The following KIAA2012 variants were observed in gnomAD, a reference collection of about 807,000 sequenced individuals.
KIAA2012 encodes KIAA2012.
Under a neutral mutation model 150.6 loss-of-function variants are expected in KIAA2012, and 125 were observed. That is an observed-to-expected ratio of 0.83 (90% confidence interval 0.72 to 0.96). The LOEUF (loss-of-function observed/expected upper bound fraction) is 0.96, where lower values mean the gene tolerates loss of function less well. KIAA2012 is among the 40% of genes least tolerant of loss of function. KIAA2012 has a pLI of 0.00. For synonymous variants in KIAA2012, 462 were observed against 504.7 expected, an observed-to-expected ratio of 0.92 and a Z score of 1.13; for missense variants, 1,219 against 1,354.9, an observed-to-expected ratio of 0.90 and a Z score of 1.57.
At chr2:202,167,529 A>G (rs76197863) in intron 15 of KIAA2012, among the ~76,000 whole-genome samples, 1 of 152,300 alleles carries the variant, frequency 6.6e-6, no homozygotes, top group East Asian at 1.9e-4. Flanking sequence ...GTTCTTTTAA[A>G]AACAGTAGGA....
chr2:202,090,925 C>A lies in KIAA2012; in HGVS notation c.525C>A (p.Cys175Ter), dbSNP rs563801614. Reference sequence around the variant, plus strand: ...CAGACGCCATGTATAGGCTCTGGTGCGCAGGTCAGTGGGGAAATGGGAGGG... The same window carrying A: ...CAGACGCCATGTATAGGCTCTGGTGAGCAGGTCAGTGGGGAAATGGGAGGG... ...WPPDAMYRLWCAGYIKDSVLL... is the reference protein window; with the variant it reads ...WPPDAMYRLW The change falls in exon 3 of 24, where the codon TGC becomes TGA. Residue 175 changes from cysteine to a stop codon, truncating the protein, a stop_gained. Coordinates refer to ENST00000498697, the MANE Select transcript of KIAA2012 (RefSeq NM_001277372.4). LOFTEE classifies it high-confidence loss of function. 2.6e-6 allele frequency: 4 copies of A among 1,545,634 alleles called. No homozygotes were observed. The highest frequency in any genetic ancestry group is 3.5e-6 in the Non-Finnish European group (4 of 1,143,400).
chr2:202,184,453 C>A (rs557706642), intron 15 of KIAA2012, among the ~76,000 whole-genome samples: 3 of 151,538 alleles, frequency 2.0e-5, no homozygotes, highest in South Asian at 4.2e-4. Context: ...CTTTTGAATT[C>A]TTTCCTTATG....
At chr2:202,180,048 G>C (rs1281285032) in intron 15 of KIAA2012, 2 of 419,368 alleles carry the variant, frequency 4.8e-6, no homozygotes, top group Non-Finnish European at 9.4e-6. Flanking sequence ...AAGGTGGGAA[G>C]ATCACCTGAG....
At chr2:202,125,138 CCT>C (rs1389337332) in intron 11 of KIAA2012, 74 bp from the exon 12 acceptor site, 27 of 1,186,216 alleles carry the variant, frequency 2.3e-5, no homozygotes, top group African/African-American at 4.6e-5. Context: ...CATGTTTTCC[CCT>C]GTCTTCGGAT....
chr2:202,099,906 C>A, intron 6 of KIAA2012, 110 bp downstream of exon 6: 2 of 1,008,856 alleles, frequency 2.0e-6, no homozygotes, highest in Non-Finnish European at 2.8e-6. Context: ...ACTCACCTTA[C>A]AAAATAAAAG....
chr2:202,098,788 CCGTGTGTGTG>C (rs1305208545), intron 5 of KIAA2012, among the ~76,000 whole-genome samples: 2 of 52,554 alleles, frequency 3.8e-5, no homozygotes, highest in East Asian at 5.2e-4. Context: ...AACTCTAAGG[CCGTGTGTGTG>C]TGTGTGTGTG....
Position 202,125,471 on chromosome 2 carries a change from C to T in KIAA2012, c.1831+189C>T, listed in dbSNP as rs113013127. 2.4e-3 allele frequency among the ~76,000 whole-genome samples: 369 copies of T among 152,258 alleles called. 2 individuals are homozygous for T. The highest frequency in any genetic ancestry group is 8.0e-3 in the African/African-American group (334 of 41,550). ...CTGTTGAGTTACTCATGGACAGCCC[C>T]GTGGTCTGAGTGTAAATATTAGTGA... On this transcript the variant is annotated intron_variant, in intron 12 of 23. Transcript: ENST00000498697.
chr2:202,098,817 T>TGTGTGTGTGTGC (rs1337527592), intron 5 of KIAA2012, among the ~76,000 whole-genome samples: 1 of 144,958 alleles, frequency 6.9e-6, no homozygotes, highest in Non-Finnish European at 1.5e-5. Flanking sequence ...TGTGTGTGTG[T>TGTGTGTGTGTGC]GTGCACGCGC....
chr2:202,093,096 A>G lies in KIAA2012; in HGVS notation c.596A>G (p.Gln199Arg). Residue 199 changes from glutamine to arginine, a missense_variant, in exon 4 of 24, where the codon CAA becomes CGA. By Grantham distance (43) the Gln-to-Arg change is conservative (BLOSUM62 1). Transcript: ENST00000498697. ...QLNVPKKLRP[Q>R]QDLSGVPPKY... ...AATGTACCAAAGAAGCTCAGGCCACAACAAGATCTTTCAGGTGTACCCCCA... is the reference window on the plus strand; with the variant it reads ...AATGTACCAAAGAAGCTCAGGCCACGACAAGATCTTTCAGGTGTACCCCCA... The G allele has an allele frequency of 6.5e-7, 1 of 1,550,238 alleles. No homozygotes were observed. Among genetic ancestry groups the G allele is most frequent in the Non-Finnish European group, 8.7e-7 (1 of 1,146,394 alleles).
intron 18 of KIAA2012, among the ~76,000 whole-genome samples, chr2:202,189,481 AGG>A (rs948576484): frequency 2.0e-5 from 3 of 151,870 alleles, no homozygotes; most frequent in African/African-American, 7.3e-5. Context: ...TAGTAGAGAC[AGG>A]GTTTCACCAT....
chr2:202,152,805 G>GT (rs1691454842), intron 13 of KIAA2012, among the ~76,000 whole-genome samples: 1 of 152,182 alleles, frequency 6.6e-6, no homozygotes, highest in Non-Finnish European at 1.5e-5. Flanking sequence ...ATGACTGTTT[G>GT]TGGGGACTCA....
chr2:202,156,484 C>T (rs1691528293), intron 14 of KIAA2012, among the ~76,000 whole-genome samples: 1 of 152,108 alleles, frequency 6.6e-6, no homozygotes, highest in Non-Finnish European at 1.5e-5. Flanking sequence ...TGGGATACAT[C>T]AGTAAACAAA....
At chr2:202,100,646 A>G (rs939677992) in intron 7 of KIAA2012, among the ~76,000 whole-genome samples, 197 bp downstream of exon 7, 1 of 152,234 alleles carries the variant, frequency 6.6e-6, no homozygotes, top group African/African-American at 2.4e-5. Flanking sequence ...ACGAAGTGCA[A>G]GGAATTTCAG....
chr2:202,183,719 T>C (rs1049042421), intron 15 of KIAA2012, among the ~76,000 whole-genome samples: 4 of 152,160 alleles, frequency 2.6e-5, no homozygotes, highest in African/African-American at 9.7e-5. Context: ...TTAGCCAGGC[T>C]GGTCTCCAAC....
intron 1 of KIAA2012, among the ~76,000 whole-genome samples, chr2:202,074,292 T>C (rs1689272315): frequency 6.6e-6 from 1 of 152,166 alleles, no homozygotes; most frequent in African/African-American, 2.4e-5. Flanking sequence ...CATACAGAGA[T>C]TTCCATTGTC....
At chr2:202,174,029 G>C (rs191855801) in intron 15 of KIAA2012, among the ~76,000 whole-genome samples, 87 of 152,144 alleles carry the variant, frequency 5.7e-4, no homozygotes, top group African/African-American at 2.0e-3. Flanking sequence ...GCAACGGCAC[G>C]ATCTCGGCTC....
intron 12 of KIAA2012, chr2:202,125,805 T>A: frequency 2.3e-6 from 1 of 443,404 alleles, no homozygotes; most frequent in Non-Finnish European, 4.5e-6. Flanking sequence ...AGGTTGACTT[T>A]GTAGCTCATC....
intron 11 of KIAA2012, among the ~76,000 whole-genome samples, chr2:202,119,634 C>A (rs1337316464): frequency 6.6e-6 from 1 of 152,182 alleles, no homozygotes; most frequent in Non-Finnish European, 1.5e-5. Context: ...ACCCAACTAA[C>A]TCTTCCCCTC....
intron 9 of KIAA2012, among the ~76,000 whole-genome samples, chr2:202,106,921 T>G (rs1690210336): frequency 6.6e-6 from 1 of 152,214 alleles, no homozygotes; most frequent in Non-Finnish European, 1.5e-5. Context: ...AGATGTCAAG[T>G]GACCTCTGAC....
Sources: gnomAD v4.1 joint callset for allele counts (sites outside exome capture counted in the v4.1 genomes callset) on GRCh38, gnomAD v4.1.1 for gene constraint, MANE v1.5 for transcripts, NCBI Gene and HGNC (gene_info 2026-07-23, HGNC 2026-07-21) for gene names.